The following PAPOLA variants were observed in gnomAD, a reference collection of about 807,000 sequenced individuals.
PAPOLA encodes the protein poly(A) polymerase alpha.
Under a neutral mutation model 100.6 loss-of-function variants are expected in PAPOLA, and 15 were observed. The observed-to-expected ratio is 0.15, with a 90% CI of 0.10 to 0.23. PAPOLA has a LOEUF of 0.23. PAPOLA is among the 10% of genes least tolerant of loss of function. The probability of loss-of-function intolerance (pLI) is 1.00; values close to 1 mark genes in which losing one functional copy is unlikely to be tolerated. For missense variants in PAPOLA, 533 were observed against 884.2 expected (o/e 0.60, Z 5.04); for synonymous variants, 293 against 300.0 (o/e 0.98, Z 0.24).
chr14:96,507,507 C>T (rs984699878), intron 1 of PAPOLA, among the ~76,000 whole-genome samples: 3 of 151,928 alleles, frequency 2.0e-5, no homozygotes, highest in Non-Finnish European at 2.9e-5. Flanking sequence ...GATCTCCTGA[C>T]CTCGTGATCC....
At chr14:96,512,506 C>G (rs1425273662) in intron 1 of PAPOLA, among the ~76,000 whole-genome samples, 1 of 152,196 alleles carries the variant, frequency 6.6e-6, no homozygotes, top group Non-Finnish European at 1.5e-5. Flanking sequence ...GTCCAGTAAA[C>G]TTAGTCAAGC....
chr14:96,502,853 C>G, intron 1 of PAPOLA: 1 of 420,560 alleles, frequency 2.4e-6, no homozygotes, highest in Non-Finnish European at 4.2e-6. Flanking sequence ...CTTCCCCTTC[C>G]GGAATTGCTG....
At chr14:96,539,107 A>G (rs1231989567) in intron 12 of PAPOLA, among the ~76,000 whole-genome samples, 2 of 152,132 alleles carry the variant, frequency 1.3e-5, no homozygotes, top group Non-Finnish European at 2.9e-5. Context: ...CGCTTCTGAG[A>G]TAATTCAAGT....
intron 19 of PAPOLA, among the ~76,000 whole-genome samples, chr14:96,557,280 G>C (rs552561961): frequency 1.7e-3 from 262 of 152,278 alleles, no homozygotes; most frequent in African/African-American, 5.5e-3. Flanking sequence ...CCAGCTCCTG[G>C]GCTCAAGCGA....
chr14:96,507,287 T>G (rs984821312), intron 1 of PAPOLA, among the ~76,000 whole-genome samples: 6 of 115,074 alleles, frequency 5.2e-5, no homozygotes, highest in African/African-American at 2.3e-4. Context: ...ATAGTTTTTT[T>G]TTTTTTTTTT....
chr14:96,547,974 G>A lies in PAPOLA; in HGVS notation c.1521+56G>A. 2.2e-6 allele frequency: 3 copies of A among 1,388,694 alleles called. No homozygotes were observed. In the South Asian group the frequency reaches 4.1e-5, roughly 19 times the overall value. 86.0% of individuals were successfully genotyped at this position (1,388,694 alleles called of 1,614,324 possible). A position where few individuals can be genotyped will look rare whatever the true frequency, so the allele number is the denominator to read the frequency against. On this transcript the variant is annotated intron_variant, in intron 16 of 21. Transcript: ENST00000216277. ...ACTAACATAATGTTTTATGCATCTG[G>A]ACTATCATTATTTCAGAATTTAGGC...
At chr14:96,535,033 T>C in intron 10 of PAPOLA, 1 of 980,146 alleles carries the variant, frequency 1.0e-6, no homozygotes, top group South Asian at 4.7e-5. Context: ...AAAAATTGGT[T>C]TAGATATTTT....
At position 96,564,998 on chromosome 14, in the gene PAPOLA, C is replaced by A. The variant is rs768164022; in HGVS notation, c.2186C>A (p.Ala729Glu). The change falls in exon 22 of 22, where the codon GCA becomes GAA. Residue 729 changes from alanine (A) to glutamate (E), a missense_variant. Coordinates refer to ENST00000216277, the MANE Select transcript of PAPOLA (RefSeq NM_032632.5). ...TDLSDIPALP[A>E]NPIPVIKNSI... ...CTTTCTGATATCCCTGCTCTCCCTG[C>A]AAATCCTATTCCTGTTATCAAGAAT... 1.9e-6 allele frequency: 3 copies of A among 1,603,164 alleles called. No homozygotes were observed. Among genetic ancestry groups the A allele is most frequent in the Admixed American group, 1.7e-5 (1 of 59,956 alleles).
At chr14:96,547,386 G>A (rs1879201097) in intron 15 of PAPOLA, among the ~76,000 whole-genome samples, 1 of 152,014 alleles carries the variant, frequency 6.6e-6, no homozygotes, top group Non-Finnish European at 1.5e-5. Context: ...GATACCTTTA[G>A]GTATAGTTTA....
intron 11 of PAPOLA, among the ~76,000 whole-genome samples, chr14:96,536,568 TAC>T (rs1309701127): frequency 2.0e-5 from 3 of 152,110 alleles, no homozygotes; most frequent in Non-Finnish European, 4.4e-5. Context: ...CTGAATATTT[TAC>T]ACTTTAGTTT....
chr14:96,525,561 A>T (rs540341071), intron 4 of PAPOLA, among the ~76,000 whole-genome samples, 170 bp downstream of exon 4: 1 of 152,180 alleles, frequency 6.6e-6, no homozygotes, highest in Admixed American at 6.5e-5. Context: ...GCTGACTTCT[A>T]TATCGCCACT....
At position 96,547,691 on chromosome 14, in the gene PAPOLA, G is replaced by GT; in HGVS notation, c.1400-105dup. The GT allele has an allele frequency of 3.8e-6, 3 of 786,098 alleles. No homozygotes were observed. The South Asian group carries it at 5.7e-5, about 15-fold the overall frequency. The allele number at this position is 786,098 out of a possible 1,614,324, so 48.7% of individuals were successfully genotyped here. ...GTCTTGACCGATCTACAGATATGCA[G>GT]TATTGATGGAAAAAGGATCCCTACT... On this transcript the variant is annotated intron_variant, in intron 15 of 21. Coordinates refer to ENST00000216277, the MANE Select transcript of PAPOLA (RefSeq NM_032632.5).
chr14:96,528,155 ATTC>A (rs1014934028), intron 6 of PAPOLA, 149 bp downstream of exon 6: 2 of 570,150 alleles, frequency 3.5e-6, no homozygotes, highest in Non-Finnish European at 6.4e-6. Flanking sequence ...GTGACTGCCT[ATTC>A]TTGTAGAATA....
In PAPOLA at chr14:96,565,143, ATGACTGAAATGGAT is replaced by A; in HGVS notation, c.*95_*108del. The A allele has an allele frequency of 1.4e-6, 1 of 735,386 alleles. No homozygotes were observed. Among genetic ancestry groups the A allele is most frequent in the Non-Finnish European group, 2.4e-6 (1 of 409,484 alleles). 45.6% of individuals were successfully genotyped at this position (735,386 alleles called of 1,614,324 possible). ...GAGAATGGAGGGTACAAGACTAGAC[ATGACTGAAATGGAT>A]TTGGGTTTTTTGGTGACCTCCCTTA... On this transcript the variant is annotated 3_prime_UTR_variant, in exon 22 of 22. Transcript: ENST00000216277.
At chr14:96,534,699 C>A in intron 10 of PAPOLA, 136 bp downstream of exon 10, 2 of 1,489,478 alleles carry the variant, frequency 1.3e-6, no homozygotes, top group Non-Finnish European at 8.9e-7. Context: ...TTTTAGATAA[C>A]CTCAACTATA....
intron 1 of PAPOLA, among the ~76,000 whole-genome samples, chr14:96,514,996 C>A (rs1352494488): frequency 1.6e-5 from 1 of 63,308 alleles, no homozygotes; most frequent in Non-Finnish European, 2.7e-5. Context: ...CCAGAAGTCA[C>A]AGTTTTTTTA....
chr14:96,509,966 T>TTTTTTTTTTGC (rs1896999503), intron 1 of PAPOLA, among the ~76,000 whole-genome samples: 1 of 69,948 alleles, frequency 1.4e-5, no homozygotes, highest in Non-Finnish European at 2.8e-5. Context: ...TGGGAGTTGC[T>TTTTTTTTTTGC]TTTTTTTTTT....
chr14:96,531,973 TTACTG>T, intron 7 of PAPOLA: 1 of 1,251,478 alleles, frequency 8.0e-7, no homozygotes, highest in Non-Finnish European at 1.0e-6. Flanking sequence ...GCATAGCTTG[TTACTG>T]TGCTCTTGAA....
intron 16 of PAPOLA, among the ~76,000 whole-genome samples, chr14:96,549,859 T>C (rs1445607747): frequency 2.6e-5 from 4 of 152,186 alleles, no homozygotes; most frequent in Admixed American, 1.3e-4. Flanking sequence ...ACAGAAAATA[T>C]AAACATTTTG....
Sources: allele counts gnomAD v4.1 joint callset (sites outside exome capture counted in the v4.1 genomes callset), GRCh38; gene constraint gnomAD v4.1.1; transcripts MANE v1.5; gene names NCBI Gene and HGNC (gene_info 2026-07-23, HGNC 2026-07-21).